Variants in FKBP9 observed in about 807,000 individuals in gnomAD.
FKBP9 encodes the protein FKBP prolyl isomerase 9.
A neutral mutation model predicts 55.6 loss-of-function variants in FKBP9; 27 were observed. The observed-to-expected ratio is 0.49, with a 90% CI of 0.36 to 0.67. The LOEUF (loss-of-function observed/expected upper bound fraction) is 0.67, where lower values mean the gene tolerates loss of function less well. Among genes scored for constraint, FKBP9 ranks in the 30% least tolerant of loss-of-function variants. The pLI is 0.00. For synonymous variants in FKBP9, 267 were observed against 296.5 expected, an observed-to-expected ratio of 0.90 and a Z score of 1.02; for missense variants, 539 against 742.8, an observed-to-expected ratio of 0.73 and a Z score of 3.19.
intron 4 of FKBP9, 51 bp downstream of exon 4, chr7:32,976,550 G>A (rs750920007): frequency 6.5e-7 from 1 of 1,549,452 alleles, no homozygotes; most frequent in Non-Finnish European, 8.7e-7. Context: ...TATTTTTATT[G>A]CAGTGGTTAA....
intron 6 of FKBP9, among the ~76,000 whole-genome samples, chr7:32,989,476 C>T (rs1784642468): frequency 6.6e-6 from 1 of 151,262 alleles, no homozygotes; most frequent in African/African-American, 2.4e-5. Flanking sequence ...AGTACAGTGG[C>T]ACGATCTTGG....
In FKBP9 at chr7:32,988,514, C is replaced by T. The variant is rs184579380; in HGVS notation, c.901C>T (p.Arg301Trp). The change falls in exon 6 of 10, where the codon CGG becomes TGG. Residue 301 changes from arginine (R) to tryptophan (W), a missense_variant. Arg to Trp is a moderately radical substitution (Grantham distance 101). This residue lies in a region of FKBP9 where 172 missense variants were observed against 205.3 expected (regional missense o/e 0.84). Transcript: ENST00000242209. ...TCCTTTCTTCTTTTCTAGCTACTCTCGGAACCGCACGTTTGACACGTACAT... is the reference window on the plus strand; with the variant it reads ...TCCTTTCTTCTTTTCTAGCTACTCTTGGAACCGCACGTTTGACACGTACAT... The part of the protein sequence containing the change: ...DGTLFDSSYS[R>W]NRTFDTYIGQ... The T allele has an allele frequency of 2.2e-5, 36 of 1,613,904 alleles. No homozygotes were observed. Among genetic ancestry groups the T allele is most frequent in the East Asian group, 6.7e-5 (3 of 44,880 alleles).
chr7:32,998,675 G>C, intron 7 of FKBP9: 1 of 152,184 alleles, frequency 6.6e-6, no homozygotes, highest in East Asian at 1.9e-4. Flanking sequence ...GCCCCGTGTG[G>C]GCTGGGCCCC....
chr7:32,976,575 C>T (rs915547661), intron 4 of FKBP9, 76 bp downstream of exon 4: 8 of 1,531,198 alleles, frequency 5.2e-6, no homozygotes, highest in Non-Finnish European at 6.1e-6. Context: ...GTTGTCACCA[C>T]ATGAAACCCA....
At chr7:33,002,259 G>A (rs1284569899) in intron 8 of FKBP9, among the ~76,000 whole-genome samples, 9 of 151,806 alleles carry the variant, frequency 5.9e-5, no homozygotes, top group African/African-American at 1.5e-4. Flanking sequence ...TCAGCTTCCC[G>A]AGTAGCTGGG....
chr7:32,997,390 T>A (rs905969812), intron 7 of FKBP9, among the ~76,000 whole-genome samples: 3 of 151,346 alleles, frequency 2.0e-5, no homozygotes, highest in Admixed American at 6.6e-5. Context: ...TTTTTAAAAT[T>A]TTTTTAGAGA....
intron 6 of FKBP9, among the ~76,000 whole-genome samples, chr7:32,994,734 ATACATG>A (rs1784750630): frequency 6.6e-6 from 1 of 151,848 alleles, no homozygotes; most frequent in African/African-American, 2.4e-5. Context: ...GAATTAAACA[ATACATG>A]TTTAATTTAG....
intron 9 of FKBP9, 73 bp downstream of exon 9, chr7:33,002,912 C>T (rs1562577678): frequency 1.3e-6 from 2 of 1,519,414 alleles, no homozygotes; most frequent in South Asian, 2.4e-5. Context: ...GGGGCCGGTT[C>T]TGAAGGTAAG....
chr7:32,965,614 A>G (rs1362488385), intron 1 of FKBP9, among the ~76,000 whole-genome samples: 1 of 150,156 alleles, frequency 6.7e-6, no homozygotes, highest in Non-Finnish European at 1.5e-5. Context: ...CCTGACCAAC[A>G]TGGTGAAACC....
chr7:32,983,164 C>G (rs916060445), intron 5 of FKBP9, among the ~76,000 whole-genome samples: 14 of 152,064 alleles, frequency 9.2e-5, no homozygotes, highest in Non-Finnish European at 1.9e-4. Context: ...GCTAGGATTA[C>G]AGGCATGAGC....
At chr7:32,998,910 A>T (rs1170620853) in intron 7 of FKBP9, among the ~76,000 whole-genome samples, 1 of 152,232 alleles carries the variant, frequency 6.6e-6, no homozygotes, top group Non-Finnish European at 1.5e-5. Context: ...CAGAGATGAC[A>T]CATGACAACA....
chr7:32,977,890 T>TATATATATATAC (rs1473389643), intron 4 of FKBP9, among the ~76,000 whole-genome samples: 2 of 139,340 alleles, frequency 1.4e-5, no homozygotes, highest in African/African-American at 5.3e-5. Context: ...TATGTATATA[T>TATATATATATAC]ACACTCATAT....
chr7:33,005,768 A>G lies in FKBP9; in HGVS notation c.*417A>G, dbSNP rs1179583576. On this transcript the variant is annotated 3_prime_UTR_variant, in exon 10 of 10. Transcript: ENST00000242209. ...TTTTTTTTAACTTGCTGGTTAAAAC[A>G]TTTTAGAAATATTCTAGAGATGGGC... The G allele has an allele frequency of 8.5e-6, 2 of 234,910 alleles. No individual in the cohort carries two copies. The highest frequency in any genetic ancestry group is 2.2e-5 in the African/African-American group (1 of 45,226). The allele number at this position is 234,910 out of a possible 1,614,324, so 14.6% of individuals were successfully genotyped here. A position where few individuals can be genotyped will look rare whatever the true frequency, so the allele number is the denominator to read the frequency against.
intron 6 of FKBP9, among the ~76,000 whole-genome samples, chr7:32,994,064 TTAA>T (rs929536967): frequency 8.5e-5 from 13 of 152,352 alleles, no homozygotes; most frequent in African/African-American, 3.1e-4. Context: ...ATATTTTTAT[TTAA>T]TGTTTTCTTG....
Position 33,002,947 on chromosome 7 carries a change from GC to G in FKBP9, c.1536+109del, listed in dbSNP as rs1784960965. ...GGACTTCTAAGGGTGAGGCCAGCTG[GC>G]TGGAGGGCTTGTGAGATGACCAGCA... On this transcript the variant is annotated intron_variant, in intron 9 of 9. Transcript: ENST00000242209. 3.7e-6 allele frequency: 4 copies of G among 1,093,726 alleles called. No individual in the cohort carries two copies. The South Asian group carries it at 4.6e-5, about 13-fold the overall frequency. 67.8% of individuals were successfully genotyped at this position (1,093,726 alleles called of 1,614,324 possible).
At chr7:32,965,826 T>TGTGTGTACAC (rs1180157878) in intron 1 of FKBP9, among the ~76,000 whole-genome samples, 2 of 33,296 alleles carry the variant, frequency 6.0e-5, no homozygotes, top group African/African-American at 2.4e-4. Context: ...TATATATATA[T>TGTGTGTACAC]ATATATATAT....
chr7:33,005,179 C>G lies in FKBP9; in HGVS notation c.1541C>G (p.Ser514Ter). The change falls in exon 10 of 10, where the codon TCA becomes TGA. Residue 514 changes from serine to a stop codon, truncating the protein, a stop_gained. Transcript: ENST00000242209. LOFTEE classifies it high-confidence loss of function. ...GNGEVLLEEF[S>*]EYIHAQVASG... is the part of the protein sequence containing the mutation. Reference sequence around the variant, plus strand: ...TCCTGTCCCCTTCTTTTCCAGTTCTCAGAGTACATTCACGCCCAGGTGGCA... The same window carrying G: ...TCCTGTCCCCTTCTTTTCCAGTTCTGAGAGTACATTCACGCCCAGGTGGCA... The G allele has an allele frequency of 6.2e-7, 1 of 1,613,484 alleles. No homozygotes were observed. The highest frequency in any genetic ancestry group is 8.5e-7 in the Non-Finnish European group (1 of 1,179,530).
At chr7:32,964,224 G>A (rs1178850887) in intron 1 of FKBP9, among the ~76,000 whole-genome samples, 1 of 152,222 alleles carries the variant, frequency 6.6e-6, no homozygotes, top group Non-Finnish European at 1.5e-5. Flanking sequence ...GAGGCCATTG[G>A]CAGCTGGCCA....
chr7:32,969,463 G>A (rs1434564058), intron 1 of FKBP9, among the ~76,000 whole-genome samples: 1 of 152,086 alleles, frequency 6.6e-6, no homozygotes, highest in Non-Finnish European at 1.5e-5. Flanking sequence ...AATTTTCCCA[G>A]CACCGTTTAT....
Sources: gnomAD v4.1 joint callset for allele counts (sites outside exome capture counted in the v4.1 genomes callset) on GRCh38, gnomAD v4.1.1 for gene constraint, gnomAD v4.1.1 regional missense constraint, MANE v1.5 for transcripts, NCBI Gene and HGNC (gene_info 2026-07-23, HGNC 2026-07-21) for gene names.